SCHIP1: variants seen among roughly 807,000 people sequenced by gnomAD.
The protein encoded by SCHIP1 is schwannomin-interacting protein 1.
In SCHIP1, 8 loss-of-function variants were observed where a neutral mutation model predicts 29.7. That is an observed-to-expected ratio of 0.27 (90% CI 0.16 to 0.49). The LOEUF (loss-of-function observed/expected upper bound fraction) is 0.49. Ranked by LOEUF, SCHIP1 falls within the 20% of genes least tolerant of loss-of-function variation. SCHIP1 has a pLI of 0.99. For missense variants in SCHIP1, 193 were observed against 294.6 expected (o/e 0.66, Z 2.52); for synonymous variants, 76 against 94.9 (o/e 0.80, Z 1.16).
At chr3:159,560,516 G>GT in the SCHIP1 span, among the ~76,000 whole-genome samples, 1 of 152,112 alleles carries the variant, frequency 6.6e-6, no homozygotes, top group Non-Finnish European at 1.5e-5. Context: ...CTAATAGCTG[G>GT]TATCATTCTT....
the SCHIP1 span, among the ~76,000 whole-genome samples, chr3:159,376,712 C>T: frequency 6.6e-6 from 1 of 152,136 alleles, no homozygotes; most frequent in Non-Finnish European, 1.5e-5. Context: ...CTTTTTACCT[C>T]TCAGGCCTGT....
the SCHIP1 span, among the ~76,000 whole-genome samples, chr3:159,323,441 T>G: frequency 1.3e-5 from 2 of 152,184 alleles, no homozygotes; most frequent in Non-Finnish European, 2.9e-5. Flanking sequence ...AATTTGTGGG[T>G]TTTTTCTAAT....
the SCHIP1 span, among the ~76,000 whole-genome samples, chr3:159,671,910 C>T: frequency 2.0e-5 from 3 of 152,084 alleles, no homozygotes; most frequent in Admixed American, 6.5e-5. Context: ...ATGTATTTCC[C>T]CAAACAGGGA....
At chr3:159,496,371 C>T in the SCHIP1 span, among the ~76,000 whole-genome samples, 9 of 151,942 alleles carry the variant, frequency 5.9e-5, no homozygotes, top group Admixed American at 3.3e-4. Context: ...AAAGGGCTAA[C>T]ATCCAGAATC....
the SCHIP1 span, among the ~76,000 whole-genome samples, chr3:159,499,806 C>G: frequency 1.3e-5 from 2 of 152,208 alleles, no homozygotes; most frequent in Non-Finnish European, 2.9e-5. Flanking sequence ...ATACCCCAAT[C>G]AGGTATCACT....
chr3:159,494,442 A>C, the SCHIP1 span, among the ~76,000 whole-genome samples: 63 of 152,282 alleles, frequency 4.1e-4, 2 homozygotes, highest in South Asian at 0.012. Context: ...ATCCCACAGA[A>C]ATACAAACTA....
chr3:159,790,883 C>T, the SCHIP1 span, among the ~76,000 whole-genome samples: 2 of 152,126 alleles, frequency 1.3e-5, no homozygotes, highest in East Asian at 1.9e-4. Flanking sequence ...GTTTCTTAAT[C>T]CTTTAAACCA....
chr3:159,274,795 T>C, the SCHIP1 span: 10 of 708,590 alleles, frequency 1.4e-5, no homozygotes, highest in Non-Finnish European at 1.7e-5. Context: ...TTAAACTTAG[T>C]TTGGAACATT....
At chr3:159,372,519 A>G in the SCHIP1 span, among the ~76,000 whole-genome samples, 4 of 151,988 alleles carry the variant, frequency 2.6e-5, no homozygotes, top group South Asian at 6.2e-4. Context: ...TTATTTTTAT[A>G]TTTTCACATT....
chr3:159,493,985 C>A, the SCHIP1 span, among the ~76,000 whole-genome samples: 1 of 152,036 alleles, frequency 6.6e-6, no homozygotes, highest in Non-Finnish European at 1.5e-5. Context: ...AACTGAACAA[C>A]CTGCTCCTGA....
chr3:159,641,675 G>A, the SCHIP1 span, among the ~76,000 whole-genome samples: 1 of 152,170 alleles, frequency 6.6e-6, no homozygotes, highest in South Asian at 2.1e-4. Flanking sequence ...TGGCTCCTAA[G>A]TGAGTGTAAT....
the SCHIP1 span, among the ~76,000 whole-genome samples, chr3:159,755,781 C>T: frequency 6.6e-6 from 1 of 152,236 alleles, no homozygotes; most frequent in Non-Finnish European, 1.5e-5. Flanking sequence ...TGGGTAAATA[C>T]AGCCATTCCA....
At chr3:159,492,130 TA>T in the SCHIP1 span, among the ~76,000 whole-genome samples, 1 of 151,930 alleles carries the variant, frequency 6.6e-6, no homozygotes, top group Non-Finnish European at 1.5e-5. Flanking sequence ...CAAAGGTAGA[TA>T]AAACCACAAA....
the SCHIP1 span, among the ~76,000 whole-genome samples, chr3:159,351,240 T>C: frequency 6.6e-6 from 1 of 152,188 alleles, no homozygotes; most frequent in Non-Finnish European, 1.5e-5. Flanking sequence ...CCAGGCAATA[T>C]TGCAGTGTCC....
the SCHIP1 span, among the ~76,000 whole-genome samples, chr3:159,336,061 T>C: frequency 1.3e-5 from 2 of 152,202 alleles, no homozygotes; most frequent in East Asian, 1.9e-4. Flanking sequence ...AGGTATCTTA[T>C]TGTGGTTTTG....
the SCHIP1 span, among the ~76,000 whole-genome samples, chr3:159,534,963 G>T: frequency 0.26 from 39,638 of 151,886 alleles, 5,632 homozygotes; most frequent in East Asian, 0.4. Flanking sequence ...CCTTTCGTAA[G>T]AAGTTTAGTA....
the SCHIP1 span, among the ~76,000 whole-genome samples, chr3:159,610,731 T>G: frequency 6.6e-6 from 1 of 152,068 alleles, no homozygotes; most frequent in South Asian, 2.1e-4. Context: ...TGGTATAGAA[T>G]GGTATTAAAA....
the SCHIP1 span, among the ~76,000 whole-genome samples, chr3:159,513,440 A>G: frequency 1.3e-5 from 2 of 151,960 alleles, no homozygotes; most frequent in African/African-American, 2.4e-5. Flanking sequence ...CATATTTTAT[A>G]TAAGAAGGAA....
At chr3:159,401,335 A>T in the SCHIP1 span, 1 of 964,404 alleles carries the variant, frequency 1.0e-6, no homozygotes, top group Non-Finnish European at 1.2e-6. Flanking sequence ...TCTTTGAGGC[A>T]TCTAGACTAA....
Sources: allele counts gnomAD v4.1 joint callset (sites outside exome capture counted in the v4.1 genomes callset), GRCh38; gene constraint gnomAD v4.1.1; transcripts MANE v1.5; gene names NCBI Gene and HGNC (gene_info 2026-07-23, HGNC 2026-07-21).